SH3PXD2B: variants seen among roughly 807,000 people sequenced by gnomAD.
The protein encoded by SH3PXD2B is SH3 and PX domains 2B.
In SH3PXD2B, 37 loss-of-function variants were observed where a neutral mutation model predicts 73.1. That is an observed-to-expected ratio of 0.51 (90% CI 0.39 to 0.67). The LOEUF is 0.67. SH3PXD2B is among the 30% of genes least tolerant of loss of function. The pLI, the probability that SH3PXD2B is intolerant of heterozygous loss-of-function variation, is 0.00. For synonymous variants in SH3PXD2B, 457 were observed against 480.5 expected (o/e 0.95, Z 0.64); for missense variants, 1,053 against 1,197.8 (o/e 0.88, Z 1.78).
chr5:172,402,142 G>A (rs915344857), intron 3 of SH3PXD2B, among the ~76,000 whole-genome samples: 2 of 152,154 alleles, frequency 1.3e-5, no homozygotes, highest in African/African-American at 4.8e-5. Context: ...ATTCCTAGGG[G>A]GAGGTATCTG....
chr5:172,332,936 G>GTT (rs1283627913), downstream of SH3PXD2B, among the ~76,000 whole-genome samples: 1 of 17,494 alleles, frequency 5.7e-5, no homozygotes, highest in Non-Finnish European at 1.3e-4. Context: ...ACCGCACAAT[G>GTT]TTTTTTTTTT....
At chr5:172,412,893 G>A (rs1266074790) in intron 2 of SH3PXD2B, among the ~76,000 whole-genome samples, 8 of 152,232 alleles carry the variant, frequency 5.3e-5, no homozygotes, top group African/African-American at 1.7e-4. Context: ...CATTTGGGGA[G>A]TAGGAAGGGA....
At chr5:172,422,375 C>T (rs189634917) in intron 2 of SH3PXD2B, 41 bp downstream of exon 2, 1 of 1,540,868 alleles carries the variant, frequency 6.5e-7, no homozygotes, top group African/African-American at 1.4e-5. Context: ...CAATTAAACT[C>T]TTTCCGATCC....
intron 1 of SH3PXD2B, among the ~76,000 whole-genome samples, chr5:172,435,611 A>G (rs879392200): frequency 2.3e-4 from 35 of 152,114 alleles, no homozygotes; most frequent in Non-Finnish European, 1.9e-4. Flanking sequence ...TTTTGTAGAG[A>G]TGGGATCTCA....
At chr5:172,450,547 T>G (rs1759771961) in intron 1 of SH3PXD2B, among the ~76,000 whole-genome samples, 1 of 152,018 alleles carries the variant, frequency 6.6e-6, no homozygotes, top group Non-Finnish European at 1.5e-5. Context: ...CCCGCTCAGG[T>G]TACCGAGGAC....
At chr5:172,432,548 A>T (rs955867077) in intron 1 of SH3PXD2B, among the ~76,000 whole-genome samples, 1 of 152,130 alleles carries the variant, frequency 6.6e-6, no homozygotes, top group African/African-American at 2.4e-5. Flanking sequence ...ATGCCCACAA[A>T]AGTGCTTCGA....
At chr5:172,436,789 C>T (rs562170599) in intron 1 of SH3PXD2B, among the ~76,000 whole-genome samples, 17 of 152,358 alleles carry the variant, frequency 1.1e-4, no homozygotes, top group African/African-American at 4.1e-4. Context: ...CTAAAGCCGT[C>T]CTGCTCTACA....
In SH3PXD2B at chr5:172,433,220, C is replaced by T. The variant is rs537142078; in HGVS notation, c.76-10724G>A. Among the ~76,000 whole-genome samples, 4 of 152,228 alleles carry T rather than the reference C, an allele frequency of 2.6e-5. No individual in the cohort carries two copies. The South Asian group carries it at 8.3e-4, about 32-fold the overall frequency. On this transcript the variant is annotated intron_variant, in intron 1 of 12. Transcript: ENST00000311601. ...TGTAGCCCAGGAGCCGTGAGCTATA[C>T]CACAGAGCCTAGGTGTGTAGTAGAC...
intron 2 of SH3PXD2B, among the ~76,000 whole-genome samples, chr5:172,418,676 G>A (rs1212269193): frequency 3.3e-5 from 5 of 152,154 alleles, no homozygotes; most frequent in East Asian, 1.9e-4. Flanking sequence ...CCGGTTCCAC[G>A]ATGCTTCCAG....
chr5:172,437,950 C>A (rs1759432877), intron 1 of SH3PXD2B, among the ~76,000 whole-genome samples: 1 of 152,152 alleles, frequency 6.6e-6, no homozygotes, highest in Non-Finnish European at 1.5e-5. Context: ...GCCTCAAACT[C>A]TTCAGCTCAT....
At position 172,334,173 on chromosome 5, in the gene SH3PXD2B, G is replaced by A. The variant is rs1271659703; in HGVS notation, c.*4196C>T. 1.7e-5 allele frequency: 19 copies of A among 1,107,988 alleles called. No homozygotes were observed. Among genetic ancestry groups the A allele is most frequent in the Admixed American group, 1.5e-4 (3 of 19,810 alleles). The allele number at this position is 1,107,988 out of a possible 1,614,324, so 68.6% of individuals were successfully genotyped here. The stretch of plus-strand genomic sequence containing the variant: ...AATGTTGAAACATGAGGAGGAGCTC[G>A]ATAACTTGGCAGAATAGCACCAGAA... On this transcript the variant is annotated 3_prime_UTR_variant, in exon 13 of 13. Transcript: ENST00000311601.
intron 6 of SH3PXD2B, among the ~76,000 whole-genome samples, chr5:172,372,136 CTTGA>C (rs1489533955): frequency 6.6e-6 from 1 of 152,166 alleles, no homozygotes; most frequent in East Asian, 1.9e-4. Context: ...GGAATTTCTA[CTTGA>C]TATGGTTTGG....
intron 3 of SH3PXD2B, among the ~76,000 whole-genome samples, chr5:172,395,350 C>G (rs1758270484): frequency 6.6e-6 from 1 of 152,202 alleles, no homozygotes; most frequent in Non-Finnish European, 1.5e-5. Context: ...GAGGACAGAT[C>G]CTTCCAGTTC....
intron 10 of SH3PXD2B, among the ~76,000 whole-genome samples, chr5:172,349,219 C>T (rs1009788112): frequency 8.5e-5 from 13 of 152,228 alleles, no homozygotes; most frequent in East Asian, 3.8e-4. Flanking sequence ...ACTTGGTTGA[C>T]GGACTCAAGA....
At chr5:172,433,482 C>G (rs115891891) in intron 1 of SH3PXD2B, among the ~76,000 whole-genome samples, 1 of 152,144 alleles carries the variant, frequency 6.6e-6, no homozygotes, top group African/African-American at 2.4e-5. Context: ...AAAAAGATGT[C>G]GCTTTCTAGG....
chr5:172,418,943 G>A (rs1758888396), intron 2 of SH3PXD2B, among the ~76,000 whole-genome samples: 1 of 152,198 alleles, frequency 6.6e-6, no homozygotes, highest in African/African-American at 2.4e-5. Flanking sequence ...TCAAACCCTG[G>A]CTCAAGCATT....
intron 6 of SH3PXD2B, among the ~76,000 whole-genome samples, chr5:172,364,417 C>T (rs137925968): frequency 0.015 from 2,246 of 152,236 alleles, 18 homozygotes; most frequent in South Asian, 0.033. Context: ...GTAATCCCAG[C>T]GCTTTGGGAA....
At chr5:172,408,534 CTTTTTT>C (rs34377327) in intron 2 of SH3PXD2B, among the ~76,000 whole-genome samples, 5 of 92,670 alleles carry the variant, frequency 5.4e-5, no homozygotes, top group African/African-American at 2.5e-4. Flanking sequence ...TGGGTTATCA[CTTTTTT>C]TTTTTTTTTT....
intron 1 of SH3PXD2B, among the ~76,000 whole-genome samples, chr5:172,432,713 T>C (rs1759277371): frequency 6.6e-6 from 1 of 152,132 alleles, no homozygotes; most frequent in African/African-American, 2.4e-5. Flanking sequence ...GGTTAGGAGT[T>C]CAAGACCAGC....
Sources: allele counts gnomAD v4.1 joint callset (sites outside exome capture counted in the v4.1 genomes callset), GRCh38; gene constraint gnomAD v4.1.1; transcripts MANE v1.5; gene names NCBI Gene and HGNC (gene_info 2026-07-23, HGNC 2026-07-21).